The following ULK4 variants were observed in gnomAD, a reference collection of about 807,000 sequenced individuals.
ULK4 encodes inactive serine/threonine-protein kinase ULK4.
A neutral mutation model predicts 160.6 loss-of-function variants in ULK4; 133 were observed. The ratio of observed to expected loss-of-function variants is 0.83; its 90% CI spans 0.72 to 0.96. The LOEUF is 0.96. Ranked by LOEUF, ULK4 falls within the 40% of genes least tolerant of loss-of-function variation. The pLI is 0.00. For missense variants in ULK4, 1,580 were observed against 1,499.5 expected, an observed-to-expected ratio of 1.05 and a Z score of -0.89; for synonymous variants, 534 against 539.8, an observed-to-expected ratio of 0.99 and a Z score of 0.15.
chr3:41,876,868 A>G (rs1285400528), intron 17 of ULK4, among the ~76,000 whole-genome samples: 1 of 152,210 alleles, frequency 6.6e-6, no homozygotes, highest in African/African-American at 2.4e-5. Context: ...GAGAACAGTG[A>G]TCAGGAGAGA....
rs145495522 is a variant in ULK4 at position 41,617,352 on chromosome 3, A to G, written c.3072-1635T>C. ...GAAACCTCCCAACAGGGGTCGACAG[A>G]CACCTCATACAGGAGAGCTCTGGCT... On this transcript the variant is annotated intron_variant, in intron 30 of 36. Coordinates refer to ENST00000301831, the MANE Select transcript of ULK4 (RefSeq NM_017886.4). Among the ~76,000 whole-genome samples the G allele has an allele frequency of 1.1e-3, 165 of 152,344 alleles. 1 individual carries two copies. Among genetic ancestry groups the G allele is most frequent in the African/African-American group, 3.8e-3 (159 of 41,582 alleles).
chr3:41,409,375 A>T (rs1231258614), intron 34 of ULK4, among the ~76,000 whole-genome samples: 5 of 152,230 alleles, frequency 3.3e-5, no homozygotes, highest in Admixed American at 3.3e-4. Flanking sequence ...AAAAGAAAAA[A>T]TAGATAAACT....
intron 5 of ULK4, among the ~76,000 whole-genome samples, chr3:41,921,175 G>A (rs1699168016): frequency 6.6e-6 from 1 of 152,056 alleles, no homozygotes; most frequent in Admixed American, 6.6e-5. Flanking sequence ...AGCTGGGCAT[G>A]GTGGAGGGCA....
At chr3:41,839,403 TATAAC>T (rs1025391010) in intron 17 of ULK4, among the ~76,000 whole-genome samples, 3 of 149,598 alleles carry the variant, frequency 2.0e-5, no homozygotes, top group East Asian at 1.9e-4. Flanking sequence ...AAGTAATAGA[TATAAC>T]ATATATAATA....
At chr3:41,642,898 T>C (rs1454212753) in intron 30 of ULK4, among the ~76,000 whole-genome samples, 21 of 152,198 alleles carry the variant, frequency 1.4e-4, no homozygotes, top group Admixed American at 1.3e-3. Flanking sequence ...TGGTGTGAGA[T>C]GGTATCTCAT....
chr3:41,309,587 A>G (rs2080010528), intron 35 of ULK4, among the ~76,000 whole-genome samples: 1 of 152,218 alleles, frequency 6.6e-6, no homozygotes, highest in African/African-American at 2.4e-5. Context: ...GACATTTACA[A>G]CAGAATGGCA....
chr3:41,716,445 G>C (rs2037271784), intron 23 of ULK4, among the ~76,000 whole-genome samples: 1 of 152,030 alleles, frequency 6.6e-6, no homozygotes, highest in South Asian at 2.1e-4. Context: ...AAAGAATTTA[G>C]CTACCAACTG....
At chr3:41,386,645 C>G (rs1419650144) in intron 35 of ULK4, among the ~76,000 whole-genome samples, 1 of 152,130 alleles carries the variant, frequency 6.6e-6, no homozygotes, top group Non-Finnish European at 1.5e-5. Context: ...CATTCCCCTG[C>G]CTCAGAGACC....
At position 41,463,135 on chromosome 3, in the gene ULK4, C is replaced by T; in HGVS notation, c.3345G>A (p.Leu1115=). Reference sequence around the variant, plus strand: ...CGGAGGTATAGGTCAGCATGCTGTGCAAAATATCAAGCAGGGAAAAGAGCA... The same window carrying T: ...CGGAGGTATAGGTCAGCATGCTGTGTAAAATATCAAGCAGGGAAAAGAGCA... ...APLLFSLLDI[L]HSMLTYTSGI... The change falls in exon 33 of 37, where the codon TTG becomes TTA. Residue 1115 remains leucine, a synonymous_variant. Coordinates refer to ENST00000301831, the MANE Select transcript of ULK4 (RefSeq NM_017886.4). 1 of 1,613,742 alleles carries T rather than the reference C, an allele frequency of 6.2e-7. No individual in the cohort carries two copies. The highest frequency in any genetic ancestry group is 8.5e-7 in the Non-Finnish European group (1 of 1,179,768).
At chr3:41,727,162 C>A (rs114910835) in intron 22 of ULK4, among the ~76,000 whole-genome samples, 1,882 of 152,280 alleles carry the variant, frequency 0.012, 35 homozygotes, top group African/African-American at 0.041. Flanking sequence ...AGACCTCCTG[C>A]TATACCTCTG....
At chr3:41,830,388 A>T (rs1436181857) in intron 18 of ULK4, among the ~76,000 whole-genome samples, 2 of 152,102 alleles carry the variant, frequency 1.3e-5, no homozygotes, top group Non-Finnish European at 2.9e-5. Flanking sequence ...TCTGCATAAG[A>T]TTCTAGAAAA....
chr3:41,745,535 C>T (rs1575640604), intron 22 of ULK4, among the ~76,000 whole-genome samples: 1 of 151,646 alleles, frequency 6.6e-6, no homozygotes, highest in Non-Finnish European at 1.5e-5. Flanking sequence ...AATCTGCAGG[C>T]CCCAATGGAT....
At chr3:41,802,294 T>C (rs2040485722) in intron 19 of ULK4, among the ~76,000 whole-genome samples, 1 of 152,194 alleles carries the variant, frequency 6.6e-6, no homozygotes, top group South Asian at 2.1e-4. Flanking sequence ...AAACATAAGC[T>C]GCAGCTGCTG....
rs944350467 is a variant in ULK4 at position 41,288,982 on chromosome 3, G to A, written c.3679-39408C>T. Among the ~76,000 whole-genome samples the A allele has an allele frequency of 2.0e-5, 3 of 152,200 alleles. No homozygotes were observed. In the East Asian group the frequency reaches 5.8e-4, roughly 29 times the overall value. ...GCAGGCCCCACCTCTGCCTGTAGGG[G>A]CTCCACAGCTCGGAGCACACAGTGG... On this transcript the variant is annotated intron_variant, in intron 35 of 36. Coordinates refer to ENST00000301831, the MANE Select transcript of ULK4 (RefSeq NM_017886.4).
chr3:41,862,413 G>C (rs1490257941), intron 17 of ULK4, among the ~76,000 whole-genome samples: 1 of 151,776 alleles, frequency 6.6e-6, no homozygotes, highest in African/African-American at 2.4e-5. Flanking sequence ...TATTTATAAA[G>C]TTCATTGGTG....
intron 35 of ULK4, among the ~76,000 whole-genome samples, chr3:41,384,377 C>A (rs916436984): frequency 2.6e-5 from 4 of 151,932 alleles, no homozygotes; most frequent in Non-Finnish European, 5.9e-5. Context: ...AGTATGCGAG[C>A]CTTGGTTGGA....
rs575080227 is a variant in ULK4, at chr3:41,844,129, C to T, written c.1657-8158G>A. On this transcript the variant is annotated intron_variant, in intron 17 of 36. Coordinates refer to ENST00000301831, the MANE Select transcript of ULK4 (RefSeq NM_017886.4). Reference sequence around the variant, plus strand: ...CACCCAGTGGATCCCCCACCGGGGCCGCAGGTGGAGCTGCCTGCCAGTCCC... The same window carrying T: ...CACCCAGTGGATCCCCCACCGGGGCTGCAGGTGGAGCTGCCTGCCAGTCCC... Among the ~76,000 whole-genome samples the T allele has an allele frequency of 6.8e-3, 1,035 of 152,326 alleles. 15 individuals are homozygous for T. The highest frequency in any genetic ancestry group is 0.024 in the African/African-American group (994 of 41,588).
At chr3:41,694,389 A>T (rs2036417132) in intron 27 of ULK4, among the ~76,000 whole-genome samples, 1 of 152,204 alleles carries the variant, frequency 6.6e-6, no homozygotes. Flanking sequence ...AGGTATAGAA[A>T]GCTATGGACC....
At chr3:41,538,977 T>C (rs1367585283) in intron 32 of ULK4, among the ~76,000 whole-genome samples, 1 of 151,402 alleles carries the variant, frequency 6.6e-6, no homozygotes, top group Non-Finnish European at 1.5e-5. Flanking sequence ...TGGTAGTCAA[T>C]GAAAAAACAG....
Sources: gnomAD v4.1 joint callset for allele counts (sites outside exome capture counted in the v4.1 genomes callset) on GRCh38, gnomAD v4.1.1 for gene constraint, MANE v1.5 for transcripts, NCBI Gene and HGNC (gene_info 2026-07-23, HGNC 2026-07-21) for gene names.